The following PTPRT variants were observed in gnomAD, a reference collection of about 807,000 sequenced individuals.
PTPRT encodes receptor-type tyrosine-protein phosphatase T.
Under a neutral mutation model 176.8 loss-of-function variants are expected in PTPRT, and 56 were observed. That is an observed-to-expected ratio of 0.32 (90% CI 0.26 to 0.40). The LOEUF (loss-of-function observed/expected upper bound fraction) is 0.40. Among genes scored for constraint, PTPRT ranks in the 10% least tolerant of loss-of-function variants. The pLI, the probability that PTPRT is intolerant of heterozygous loss-of-function variation, is 1.00. For synonymous variants in PTPRT, 783 were observed against 739.0 expected (o/e 1.06, Z -0.96); for missense variants, 1,540 against 1,908.2 (o/e 0.81, Z 3.60).
chr20:42,801,640 G>C (rs918074926), intron 2 of PTPRT, among the ~76,000 whole-genome samples: 5 of 152,140 alleles, frequency 3.3e-5, no homozygotes, highest in African/African-American at 9.7e-5. Context: ...ACAGGAATGT[G>C]GAAAGTTCTA....
intron 9 of PTPRT, among the ~76,000 whole-genome samples, chr20:42,357,127 G>GC (rs1221316457): frequency 6.6e-6 from 1 of 152,064 alleles, no homozygotes; most frequent in African/African-American, 2.4e-5. Flanking sequence ...TTTTCTACCA[G>GC]CCCAGGAGCT....
At chr20:42,317,449 A>G (rs544732912) in intron 11 of PTPRT, among the ~76,000 whole-genome samples, 5 of 152,162 alleles carry the variant, frequency 3.3e-5, no homozygotes, top group Non-Finnish European at 7.3e-5. Context: ...GGGACTCATG[A>G]TCTAAAACAG....
intron 7 of PTPRT, among the ~76,000 whole-genome samples, chr20:42,671,655 C>A (rs1265421163): frequency 2.0e-5 from 3 of 152,194 alleles, no homozygotes; most frequent in South Asian, 2.1e-4. Context: ...GCATCCATAA[C>A]AATAGCAGCA....
intron 1 of PTPRT, among the ~76,000 whole-genome samples, chr20:42,976,146 T>A (rs772772537): frequency 6.6e-6 from 1 of 152,206 alleles, no homozygotes; most frequent in Non-Finnish European, 1.5e-5. Context: ...TCTGTGATGC[T>A]AATGATCAGG....
chr20:42,613,102 T>C (rs556815067), intron 7 of PTPRT, among the ~76,000 whole-genome samples: 93 of 152,344 alleles, frequency 6.1e-4, no homozygotes, highest in African/African-American at 2.0e-3. Flanking sequence ...AAACTTTTTT[T>C]GAAAAAGTTG....
chr20:42,107,916 T>G (rs1021294580), intron 23 of PTPRT, among the ~76,000 whole-genome samples: 2 of 152,078 alleles, frequency 1.3e-5, no homozygotes, highest in South Asian at 4.1e-4. Context: ...GGAAGCAGAG[T>G]CTTCATTCAT....
At chr20:42,091,109 C>A (rs1214578120) in intron 27 of PTPRT, among the ~76,000 whole-genome samples, 1 of 152,064 alleles carries the variant, frequency 6.6e-6, no homozygotes, top group South Asian at 2.1e-4. Context: ...CATGCTTCTT[C>A]CAAAAAAACA....
chr20:42,511,359 A>G (rs1031819223), intron 7 of PTPRT, among the ~76,000 whole-genome samples: 1 of 152,164 alleles, frequency 6.6e-6, no homozygotes, highest in Non-Finnish European at 1.5e-5. Flanking sequence ...AGTGTGAGGC[A>G]GTAACAGTGG....
intron 12 of PTPRT, among the ~76,000 whole-genome samples, chr20:42,305,785 G>T (rs2057538649): frequency 1.3e-5 from 2 of 152,212 alleles, no homozygotes; most frequent in Non-Finnish European, 2.9e-5. Flanking sequence ...TGGCAGGCAA[G>T]TATTCTGTCT....
chr20:42,406,075 C>T (rs2058958417), intron 9 of PTPRT, among the ~76,000 whole-genome samples: 1 of 151,810 alleles, frequency 6.6e-6, no homozygotes, highest in Admixed American at 6.6e-5. Flanking sequence ...CACGTGGAGG[C>T]AGCTAGGGAT....
chr20:42,833,878 A>G (rs2078136234), intron 2 of PTPRT, among the ~76,000 whole-genome samples: 1 of 152,228 alleles, frequency 6.6e-6, no homozygotes, highest in Non-Finnish European at 1.5e-5. Flanking sequence ...AGTTTACTCA[A>G]AATGGAACAT....
chr20:42,589,644 C>T (rs186222329), intron 7 of PTPRT, among the ~76,000 whole-genome samples: 109 of 152,214 alleles, frequency 7.2e-4, no homozygotes, highest in Middle Eastern at 3.4e-3. Flanking sequence ...CCCTTCAGCT[C>T]CTGAAACTGC....
At chr20:42,346,676 G>C (rs950243795) in intron 11 of PTPRT, among the ~76,000 whole-genome samples, 4 of 152,194 alleles carry the variant, frequency 2.6e-5, no homozygotes, top group Admixed American at 1.3e-4. Context: ...CTACCAGATA[G>C]AGTCAGATCC....
chr20:42,809,792 C>T (rs976231573), intron 2 of PTPRT, among the ~76,000 whole-genome samples: 1 of 152,154 alleles, frequency 6.6e-6, no homozygotes, highest in African/African-American at 2.4e-5. Flanking sequence ...TTAGGATCCA[C>T]CCTAAATCCA....
chr20:42,314,813 A>T (rs2057691970), intron 12 of PTPRT, among the ~76,000 whole-genome samples: 1 of 152,192 alleles, frequency 6.6e-6, no homozygotes, highest in African/African-American at 2.4e-5. Context: ...ATATTTCAGT[A>T]AGTACATTAA....
chr20:42,556,465 A>G (rs1403736785), intron 7 of PTPRT, among the ~76,000 whole-genome samples: 1 of 152,098 alleles, frequency 6.6e-6, no homozygotes, highest in Admixed American at 6.6e-5. Flanking sequence ...GGCGGTGGAA[A>G]CCCCACCTTC....
intron 2 of PTPRT, among the ~76,000 whole-genome samples, chr20:42,836,408 C>A (rs1397854): frequency 6.6e-6 from 1 of 152,210 alleles, no homozygotes; most frequent in Non-Finnish European, 1.5e-5. Flanking sequence ...TAAATGGCAA[C>A]CCTTGGACAT....
intron 11 of PTPRT, among the ~76,000 whole-genome samples, chr20:42,327,528 C>A (rs2057902987): frequency 6.6e-6 from 1 of 151,774 alleles, no homozygotes; most frequent in African/African-American, 2.4e-5. Context: ...GAGATACAAA[C>A]TAAAGGTTTT....
rs115981328 is a variant in PTPRT, at chr20:42,565,926, C to T, written c.1154-93364G>A. 6.9e-3 allele frequency among the ~76,000 whole-genome samples: 1,051 copies of T among 152,180 alleles called. 13 individuals are homozygous for T. The highest frequency in any genetic ancestry group is 0.023 in the African/African-American group (969 of 41,524). Reference sequence around the variant, plus strand: ...CTCTGCTTCATATACACTCCTACATCCTCCTTATGGCAGAGACGACTTGCT... The same window carrying T: ...CTCTGCTTCATATACACTCCTACATTCTCCTTATGGCAGAGACGACTTGCT... On this transcript the variant is annotated intron_variant, in intron 7 of 30. Coordinates refer to ENST00000373187, the MANE Select transcript of PTPRT (RefSeq NM_007050.6).
Sources: allele counts gnomAD v4.1 joint callset (sites outside exome capture counted in the v4.1 genomes callset), GRCh38; gene constraint gnomAD v4.1.1; transcripts MANE v1.5; gene names NCBI Gene and HGNC (gene_info 2026-07-23, HGNC 2026-07-21).